The following SLC8A1 variants were observed in gnomAD, a reference collection of about 807,000 sequenced individuals.
SLC8A1 encodes sodium/calcium exchanger 1.
In SLC8A1, 18 loss-of-function variants were observed where a neutral mutation model predicts 68.3. That is an observed-to-expected ratio of 0.26 (90% CI 0.18 to 0.39). The LOEUF (loss-of-function observed/expected upper bound fraction) is 0.39, where lower values mean the gene tolerates loss of function less well. Among genes scored for constraint, SLC8A1 ranks in the 10% least tolerant of loss-of-function variants. The pLI is 1.00. For missense variants in SLC8A1, 985 were observed against 1,156.7 expected, an observed-to-expected ratio of 0.85 and a Z score of 2.15; for synonymous variants, 475 against 415.5, an observed-to-expected ratio of 1.14 and a Z score of -1.74.
chr2:40,238,052 CTTT>C (rs1448197482), intron 2 of SLC8A1, among the ~76,000 whole-genome samples: 1 of 152,224 alleles, frequency 6.6e-6, no homozygotes, highest in African/African-American at 2.4e-5. Flanking sequence ...TTACTGCTGT[CTTT>C]TTGTTTGTCT....
At chr2:40,269,657 G>GA (rs1400874884) in intron 2 of SLC8A1, among the ~76,000 whole-genome samples, 1 of 152,164 alleles carries the variant, frequency 6.6e-6, no homozygotes, top group Admixed American at 6.5e-5. Context: ...CGTCTTGGAG[G>GA]AGGAAGCCAC....
intron 2 of SLC8A1, among the ~76,000 whole-genome samples, chr2:40,395,581 C>T (rs11891249): frequency 0.024 from 3,684 of 152,166 alleles, 161 homozygotes; most frequent in African/African-American, 0.083. Flanking sequence ...CAGAGCAAGA[C>T]AGCACAGAGG....
chr2:40,436,835 G>T (rs1699515482), intron 1 of SLC8A1, among the ~76,000 whole-genome samples: 1 of 152,124 alleles, frequency 6.6e-6, no homozygotes, highest in African/African-American at 2.4e-5. Flanking sequence ...AAAGAATGTA[G>T]AAGGAAGATG....
At chr2:40,339,167 T>A (rs983643404) in intron 2 of SLC8A1, among the ~76,000 whole-genome samples, 3 of 152,220 alleles carry the variant, frequency 2.0e-5, no homozygotes, top group Non-Finnish European at 2.9e-5. Flanking sequence ...TTCTTTTAGT[T>A]CTTAGTAAGC....
intron 2 of SLC8A1, among the ~76,000 whole-genome samples, chr2:40,297,414 C>T (rs1040812391): frequency 7.9e-5 from 12 of 152,150 alleles, no homozygotes; most frequent in Non-Finnish European, 1.5e-4. Flanking sequence ...TTTTAAGATT[C>T]TCTTTCAGGC....
chr2:40,177,772 C>A, exon 3 of SLC8A1: 1 of 1,548,612 alleles, frequency 6.5e-7, no homozygotes, highest in Admixed American at 2.0e-5. Context: ...TCTTCTTATC[C>A]ATTTTGGTTC....
At chr2:40,256,799 C>A (rs1156584273) in intron 2 of SLC8A1, among the ~76,000 whole-genome samples, 1 of 152,170 alleles carries the variant, frequency 6.6e-6, no homozygotes, top group East Asian at 1.9e-4. Flanking sequence ...AAGGGTACTT[C>A]CTGCATCCAC....
exon 8 of SLC8A1, chr2:40,102,333 T>G (rs1411812297): frequency 6.6e-6 from 1 of 151,470 alleles, no homozygotes; most frequent in Non-Finnish European, 1.5e-5. Context: ...TCACAATTTC[T>G]TGAATGAACA....
chr2:40,150,563 C>T (rs1162708070), intron 6 of SLC8A1, among the ~76,000 whole-genome samples: 2 of 152,172 alleles, frequency 1.3e-5, no homozygotes, highest in Non-Finnish European at 2.9e-5. Context: ...AGCTCTTGGA[C>T]CCAGTGATGG....
chr2:40,391,323 G>A (rs1359049581), intron 2 of SLC8A1, among the ~76,000 whole-genome samples: 2 of 151,964 alleles, frequency 1.3e-5, no homozygotes, highest in Non-Finnish European at 2.9e-5. Flanking sequence ...GGAAAGTGAT[G>A]TTCGTGGGAC....
chr2:40,188,505 T>A (rs2051127429), intron 2 of SLC8A1, among the ~76,000 whole-genome samples: 1 of 152,238 alleles, frequency 6.6e-6, no homozygotes, highest in African/African-American at 2.4e-5. Flanking sequence ...AAAAGCTCTC[T>A]TCGTCCTGAA....
chr2:40,431,036 G>A (rs1698164191), intron 1 of SLC8A1, among the ~76,000 whole-genome samples: 1 of 152,182 alleles, frequency 6.6e-6, no homozygotes, highest in African/African-American at 2.4e-5. Context: ...AGCATGTTTT[G>A]ATGAGAGCAC....
At chr2:40,334,770 G>C (rs1434978142) in intron 2 of SLC8A1, among the ~76,000 whole-genome samples, 1 of 152,138 alleles carries the variant, frequency 6.6e-6, no homozygotes, top group Non-Finnish European at 1.5e-5. Context: ...GCAAAGCAAA[G>C]AGAAATCTAA....
intron 2 of SLC8A1, among the ~76,000 whole-genome samples, chr2:40,378,407 G>C (rs879170346): frequency 6.6e-6 from 1 of 152,096 alleles, no homozygotes; most frequent in African/African-American, 2.4e-5. Context: ...TGGAGTACAA[G>C]ACCTAGAAAA....
At chr2:40,349,036 G>A (rs1670242016) in intron 2 of SLC8A1, among the ~76,000 whole-genome samples, 1 of 152,076 alleles carries the variant, frequency 6.6e-6, no homozygotes, top group African/African-American at 2.4e-5. Flanking sequence ...ATACACATAA[G>A]CACAAAATTG....
At chr2:40,297,423 G>A (rs572061830) in intron 2 of SLC8A1, among the ~76,000 whole-genome samples, 28 of 152,168 alleles carry the variant, frequency 1.8e-4, no homozygotes, top group African/African-American at 6.3e-4. Flanking sequence ...TCTCTTTCAG[G>A]CATAAAATCC....
intron 7 of SLC8A1, among the ~76,000 whole-genome samples, chr2:40,133,307 T>G (rs192297579): frequency 6.6e-6 from 1 of 151,144 alleles, no homozygotes; most frequent in African/African-American, 2.5e-5. Flanking sequence ...AATTCAGAAG[T>G]CGAAAAGTGT....
intron 2 of SLC8A1, among the ~76,000 whole-genome samples, chr2:40,287,524 G>A (rs1357868826): frequency 6.6e-6 from 1 of 150,922 alleles, no homozygotes; most frequent in Non-Finnish European, 1.5e-5. Context: ...CCTGCCCAAA[G>A]CTCCCTGCAG....
At chr2:40,220,625 T>C (rs892484572) in intron 2 of SLC8A1, among the ~76,000 whole-genome samples, 2 of 152,192 alleles carry the variant, frequency 1.3e-5, no homozygotes, top group Admixed American at 6.5e-5. Context: ...CCTAACCTGG[T>C]CAATGAATTA....
Sources: allele counts gnomAD v4.1 joint callset (sites outside exome capture counted in the v4.1 genomes callset), GRCh38; gene constraint gnomAD v4.1.1; transcripts MANE v1.5; gene names NCBI Gene and HGNC (gene_info 2026-07-23, HGNC 2026-07-21).